NCAPG2: variants seen among roughly 807,000 people sequenced by gnomAD.
The protein encoded by NCAPG2 is condensin-2 complex subunit G2.
NCAPG2 carries 53 observed loss-of-function variants against 141.1 expected under a neutral mutation model. The ratio of observed to expected loss-of-function variants is 0.38; its 90% CI spans 0.30 to 0.47. The LOEUF (loss-of-function observed/expected upper bound fraction) is 0.47, where lower values mean the gene tolerates loss of function less well. Ranked by LOEUF, NCAPG2 falls within the 20% of genes least tolerant of loss-of-function variation. The probability of loss-of-function intolerance (pLI) is 0.99; values close to 1 mark genes in which losing one functional copy is unlikely to be tolerated. For synonymous variants in NCAPG2, 499 were observed against 490.7 expected, an observed-to-expected ratio of 1.02 and a Z score of -0.22; for missense variants, 1,087 against 1,389.0, an observed-to-expected ratio of 0.78 and a Z score of 3.46.
chr7:158,658,996 C>T (rs1265876830), intron 16 of NCAPG2, among the ~76,000 whole-genome samples: 1 of 145,248 alleles, frequency 6.9e-6, no homozygotes, highest in African/African-American at 2.6e-5. Flanking sequence ...TAAGCATTCA[C>T]TCCAGCCTGG....
At position 158,662,337 on chromosome 7, in the gene NCAPG2, C is replaced by G. The variant is rs754373161; in HGVS notation, c.1846G>C (p.Val616Leu). ...VLDKTLSVND[V>L]ACMAGLLEII... Reference sequence around the variant, plus strand: ...TCTAGTAAACCTGCCATGCATGCAACATCGTTTACTGACAGTGTTTTGTCC... The same window carrying G: ...TCTAGTAAACCTGCCATGCATGCAAGATCGTTTACTGACAGTGTTTTGTCC... Residue 616 changes from valine to leucine, a missense_variant, in exon 16 of 28, where the codon GTT becomes CTT. Transcript: ENST00000356309. The G allele has an allele frequency of 7.6e-5, 122 of 1,594,842 alleles. No individual in the cohort carries two copies. The highest frequency in any genetic ancestry group is 1.0e-4 in the Non-Finnish European group (120 of 1,172,146).
At chr7:158,684,486 C>T (rs1025645876) in intron 8 of NCAPG2, among the ~76,000 whole-genome samples, 2 of 152,180 alleles carry the variant, frequency 1.3e-5, no homozygotes, top group Admixed American at 1.3e-4. Context: ...TTTAATGTGG[C>T]TTGATTATTT....
At chr7:158,665,498 G>A (rs1832858277) in intron 13 of NCAPG2, 2 of 152,200 alleles carry the variant, frequency 1.3e-5, no homozygotes, top group East Asian at 1.9e-4. Flanking sequence ...TCACCTGCAT[G>A]GTGAGCGAAA....
chr7:158,664,968 G>A (rs966115802), intron 13 of NCAPG2: 4 of 494,186 alleles, frequency 8.1e-6, no homozygotes, highest in Non-Finnish European at 1.4e-5. Flanking sequence ...AGGCACCCAA[G>A]TATTAGGGTG....
At chr7:158,642,513 G>A (rs1371199594) in intron 27 of NCAPG2, among the ~76,000 whole-genome samples, 4 of 151,776 alleles carry the variant, frequency 2.6e-5, no homozygotes, top group Admixed American at 2.6e-4. Flanking sequence ...GGGTGACAAA[G>A]CAAGACTCCA....
intron 15 of NCAPG2, 78 bp downstream of exon 15, chr7:158,664,106 G>T: frequency 9.0e-7 from 1 of 1,107,124 alleles, no homozygotes; most frequent in Non-Finnish European, 1.4e-6. Context: ...GAAAACATAG[G>T]AATATTCCTA....
rs1304830675 is a variant in NCAPG2 at position 158,656,428 on chromosome 7, G to A, written c.2220C>T (p.Asn740=). ...LPTEHAQAKS[N]TASKGRVQIH... ...TCTGCACCCTACCTTTAGAAGCTGT[G>A]TTGCTCTGAAAGAAGAGAGAGAGAA... Residue 740 remains asparagine, a synonymous_variant, in exon 19 of 28, where the codon AAC becomes AAT. Transcript: ENST00000356309. 6.8e-6 allele frequency: 11 copies of A among 1,613,412 alleles called. No homozygotes were observed. The highest frequency in any genetic ancestry group is 1.7e-5 in the Admixed American group (1 of 59,882).
intron 1 of NCAPG2, chr7:158,703,620 T>A (rs557707862): frequency 6.6e-6 from 1 of 152,382 alleles, no homozygotes; most frequent in East Asian, 1.9e-4. Flanking sequence ...GCAGCCAGAA[T>A]GCTACTTTCA....
rs1358606821 is a variant in NCAPG2, at chr7:158,633,339, G to C, written c.3381-1622C>G. Among the ~76,000 whole-genome samples the C allele has an allele frequency of 6.6e-6, 1 of 152,196 alleles. No homozygotes were observed. The highest frequency in any genetic ancestry group is 1.9e-4 in the East Asian group (1 of 5,198). On this transcript the variant is annotated intron_variant, in intron 27 of 27. Coordinates refer to ENST00000356309, the MANE Select transcript of NCAPG2 (RefSeq NM_017760.7). The surrounding 1 kb of genome is among the most constrained non-coding windows in gnomAD (Gnocchi z 4.1). Reference sequence around the variant, plus strand: ...TCTGTAGTGTGTCTGTGACACTTGAGCTCTAGACTGTCCTTTCGGGGTTAC... The same window carrying C: ...TCTGTAGTGTGTCTGTGACACTTGACCTCTAGACTGTCCTTTCGGGGTTAC...
At chr7:158,653,766 A>G (rs1054402041) in intron 22 of NCAPG2, among the ~76,000 whole-genome samples, 1 of 152,256 alleles carries the variant, frequency 6.6e-6, no homozygotes, top group African/African-American at 2.4e-5. Flanking sequence ...GCAAATAACT[A>G]GGCTTAAAGA....
Position 158,675,504 on chromosome 7 carries a change from T to C in NCAPG2, c.1299A>G (p.Ser433=), listed in dbSNP as rs1211960409. ...TAAAGACAGAACAACGAACATCAGC[T>C]GAGCTCGTGTCAAATGCCAGTTCCC... The part of the protein sequence containing the change: ...VTGELAFDTS[S]ADVRCSVFKC... Residue 433 remains serine (S), a synonymous_variant, in exon 12 of 28, where the codon TCA becomes TCG. Transcript: ENST00000356309. 2.5e-6 allele frequency: 4 copies of C among 1,610,502 alleles called. No homozygotes were observed. The African/African-American group carries it at 5.3e-5, about 22-fold the overall frequency.
In NCAPG2 at chr7:158,660,401, C is replaced by CTTTTTTTTTTTTTTTTTTTTTT. The variant is rs945928092; in HGVS notation, c.1989+1771_1989+1792dup. On this transcript the variant is annotated intron_variant, in intron 16 of 27. Coordinates refer to ENST00000356309, the MANE Select transcript of NCAPG2 (RefSeq NM_017760.7). ...AGTCCCAGGTCATTATTTCAGCTTT[C>CTTTTTTTTTTTTTTTTTTTTTT]TTTTTTTTTTTTTTTTTTTTTTTTT... Among the ~76,000 whole-genome samples the CTTTTTTTTTTTTTTTTTTTTTT allele has an allele frequency of 4.1e-4, 30 of 72,802 alleles. 1 individual carries two copies. Among genetic ancestry groups the CTTTTTTTTTTTTTTTTTTTTTT allele is most frequent in the East Asian group, 6.6e-4 (1 of 1,522 alleles). 47.8% of individuals were successfully genotyped at this position (72,802 alleles called of 152,430 possible).
intron 16 of NCAPG2, among the ~76,000 whole-genome samples, chr7:158,661,275 A>G (rs1302950717): frequency 6.6e-6 from 1 of 152,260 alleles, no homozygotes; most frequent in Non-Finnish European, 1.5e-5. Context: ...AATGTGGTTC[A>G]TAAGACCTAC....
At chr7:158,644,913 A>G (rs1422744999) in intron 26 of NCAPG2, among the ~76,000 whole-genome samples, 1 of 152,242 alleles carries the variant, frequency 6.6e-6, no homozygotes, top group African/African-American at 2.4e-5. Flanking sequence ...AGCACTCCCT[A>G]TCTACAATGT....
chr7:158,675,460 A>C lies in NCAPG2; in HGVS notation c.1326+17T>G. 1 of 1,556,228 alleles carries C rather than the reference A, an allele frequency of 6.4e-7. No individual in the cohort carries two copies. The highest frequency in any genetic ancestry group is 1.2e-5 in the South Asian group (1 of 82,730). The stretch of plus-strand genomic sequence containing the variant: ...TACAACAAATAAACATTACTTACAT[A>C]ATTTAAAAAATCTTACCTTAAAGAC... On this transcript the variant is annotated intron_variant, in intron 12 of 27. Coordinates refer to ENST00000356309, the MANE Select transcript of NCAPG2 (RefSeq NM_017760.7).
intron 24 of NCAPG2, among the ~76,000 whole-genome samples, chr7:158,647,977 C>G (rs895505924): frequency 3.3e-5 from 5 of 152,170 alleles, no homozygotes; most frequent in African/African-American, 9.7e-5. Context: ...AGCTACCGTG[C>G]CTGGCCTAGA....
chr7:158,665,784 G>A (rs1832883350), intron 13 of NCAPG2, among the ~76,000 whole-genome samples: 1 of 152,034 alleles, frequency 6.6e-6, no homozygotes, highest in Non-Finnish European at 1.5e-5. Context: ...AGTTGTTCTT[G>A]CCAAGGTCAT....
chr7:158,665,434 G>C (rs567780459), intron 13 of NCAPG2: 1 of 152,386 alleles, frequency 6.6e-6, no homozygotes, highest in South Asian at 2.1e-4. Context: ...GAAAAATGCA[G>C]AACATGACAA....
intron 11 of NCAPG2, among the ~76,000 whole-genome samples, chr7:158,678,409 T>C (rs997768583): frequency 6.6e-6 from 1 of 152,192 alleles, no homozygotes; most frequent in African/African-American, 2.4e-5. Flanking sequence ...CTAAGAATGG[T>C]TCATATTTCT....
Sources: gnomAD v4.1 joint callset for allele counts (sites outside exome capture counted in the v4.1 genomes callset) on GRCh38, gnomAD v4.1.1 for gene constraint, Gnocchi (gnomAD v3.1) non-coding constraint, MANE v1.5 for transcripts, NCBI Gene and HGNC (gene_info 2026-07-23, HGNC 2026-07-21) for gene names.